Variants in CNGB3 observed in about 807,000 individuals in gnomAD.
The protein encoded by CNGB3 is cyclic nucleotide gated channel subunit beta 3.
A neutral mutation model predicts 92.8 loss-of-function variants in CNGB3; 86 were observed. The ratio of observed to expected loss-of-function variants is 0.93; its 90% confidence interval spans 0.78 to 1.11. The LOEUF (loss-of-function observed/expected upper bound fraction) is 1.11, where lower values mean the gene tolerates loss of function less well. Ranked by LOEUF, CNGB3 falls within the 50% of genes least tolerant of loss-of-function variation. The pLI is 0.00. For missense variants in CNGB3, 1,026 were observed against 956.8 expected (o/e 1.07, Z -0.95); for synonymous variants, 333 against 332.7 (o/e 1.00, Z -0.01).
intron 7 of CNGB3, among the ~76,000 whole-genome samples, chr8:86,648,231 C>T (rs545492724): frequency 6.0e-5 from 9 of 151,148 alleles, no homozygotes; most frequent in East Asian, 5.8e-4. Context: ...TGGGGCTCTT[C>T]GACTAAAAAT....
intron 2 of CNGB3, among the ~76,000 whole-genome samples, chr8:86,729,367 A>G (rs1418175149): frequency 4.6e-5 from 7 of 152,192 alleles, no homozygotes; most frequent in Non-Finnish European, 1.0e-4. Context: ...TCCTAATAAG[A>G]ATTTTTGTTT....
rs559116316 is a variant in CNGB3 at position 86,616,553 on chromosome 8, A to G, written c.1579-4882T>C. Reference sequence around the variant, plus strand: ...ACATCCTGGGGCTTTTTCTCTCGGCAACCCAGCTCCATTTTGTTTACAGTT... The same window carrying G: ...ACATCCTGGGGCTTTTTCTCTCGGCGACCCAGCTCCATTTTGTTTACAGTT... On this transcript the variant is annotated intron_variant, in intron 13 of 17. Coordinates refer to ENST00000320005, the MANE Select transcript of CNGB3 (RefSeq NM_019098.5). 1.1e-3 allele frequency among the ~76,000 whole-genome samples: 164 copies of G among 152,224 alleles called. 2 individuals carry two copies. Among genetic ancestry groups the G allele is most frequent in the African/African-American group, 3.4e-3 (142 of 41,532 alleles).
At chr8:86,590,822 A>T (rs577064429) in intron 15 of CNGB3, among the ~76,000 whole-genome samples, 2,455 of 149,698 alleles carry the variant, frequency 0.016, 83 homozygotes, top group African/African-American at 0.057. Context: ...TGTGTCTTGG[A>T]GTTGCTCTTC....
intron 2 of CNGB3, among the ~76,000 whole-genome samples, chr8:86,731,982 A>G (rs1825164369): frequency 6.6e-6 from 1 of 152,212 alleles, no homozygotes; most frequent in African/African-American, 2.4e-5. Context: ...TAAGTCAGCT[A>G]TATTCTTTGG....
At chr8:86,585,594 A>G (rs1369385061) in intron 15 of CNGB3, among the ~76,000 whole-genome samples, 3 of 152,240 alleles carry the variant, frequency 2.0e-5, no homozygotes, top group Non-Finnish European at 2.9e-5. Flanking sequence ...GAATGGGGAC[A>G]TAAAATGGAA....
intron 3 of CNGB3, among the ~76,000 whole-genome samples, chr8:86,714,185 C>A (rs893063051): frequency 2.6e-5 from 4 of 152,110 alleles, no homozygotes; most frequent in Admixed American, 6.6e-5. Context: ...GTCTTCCTAA[C>A]CCCCCAGCCC....
chr8:86,664,087 G>A (rs950648265), intron 6 of CNGB3, among the ~76,000 whole-genome samples: 1 of 152,176 alleles, frequency 6.6e-6, no homozygotes, highest in African/African-American at 2.4e-5. Flanking sequence ...TCATCAAGCT[G>A]CCAGGTTGCT....
At position 86,644,231 on chromosome 8, in the gene CNGB3, T is replaced by C. The variant is rs78309848; in HGVS notation, c.1056-358A>G. Among the ~76,000 whole-genome samples, 1,427 of 151,508 alleles carry C rather than the reference T, an allele frequency of 9.4e-3. 24 individuals carry two copies. Among genetic ancestry groups the C allele is most frequent in the African/African-American group, 0.033 (1,350 of 41,466 alleles). The stretch of plus-strand genomic sequence containing the variant: ...GATATCTCTGAAAAGCTCATGAGAC[T>C]TTATGCTACGATGAATGGCAACTAG... On this transcript the variant is annotated intron_variant, in intron 9 of 17. Transcript: ENST00000320005.
chr8:86,632,439 A>C (rs996181555), intron 11 of CNGB3, among the ~76,000 whole-genome samples: 2 of 152,118 alleles, frequency 1.3e-5, no homozygotes, highest in Admixed American at 6.5e-5. Context: ...CAATATTTGA[A>C]ATTTAAGTAA....
chr8:86,601,670 C>A (rs1008145978), intron 15 of CNGB3, among the ~76,000 whole-genome samples: 2 of 152,136 alleles, frequency 1.3e-5, no homozygotes, highest in Non-Finnish European at 2.9e-5. Flanking sequence ...GGCATACCTC[C>A]AGCTCTGGAA....
At chr8:86,594,582 T>G (rs978897884) in intron 15 of CNGB3, 11 of 285,356 alleles carry the variant, frequency 3.9e-5, no homozygotes, top group African/African-American at 2.3e-5. Flanking sequence ...ACTGTCACCT[T>G]CACCCTGAGA....
chr8:86,664,279 T>A (rs1823699656), intron 6 of CNGB3, among the ~76,000 whole-genome samples: 1 of 152,254 alleles, frequency 6.6e-6, no homozygotes, highest in Non-Finnish European at 1.5e-5. Flanking sequence ...TATTCAAAGC[T>A]ATTCCTTTCA....
At chr8:86,699,688 T>C (rs1266164053) in intron 3 of CNGB3, among the ~76,000 whole-genome samples, 2 of 152,188 alleles carry the variant, frequency 1.3e-5, no homozygotes, top group South Asian at 2.1e-4. Context: ...AAACTGCAGT[T>C]AGTTTGGATA....
chr8:86,619,096 C>T (rs1399095990), intron 13 of CNGB3, among the ~76,000 whole-genome samples: 2 of 152,208 alleles, frequency 1.3e-5, no homozygotes, highest in Non-Finnish European at 1.5e-5. Context: ...ACTGTAGTAC[C>T]TACATTTCAA....
chr8:86,725,356 T>C (rs1825042801), intron 3 of CNGB3, among the ~76,000 whole-genome samples: 1 of 152,126 alleles, frequency 6.6e-6, no homozygotes. Context: ...TGAGTGAAGA[T>C]AATGATGATC....
At chr8:86,614,200 T>C (rs1822572732) in intron 13 of CNGB3, among the ~76,000 whole-genome samples, 1 of 152,110 alleles carries the variant, frequency 6.6e-6, no homozygotes, top group Admixed American at 6.6e-5. Context: ...TTGATCCAGA[T>C]ACCTGCTTTA....
At chr8:86,618,159 G>A (rs551069439) in intron 13 of CNGB3, among the ~76,000 whole-genome samples, 4 of 152,290 alleles carry the variant, frequency 2.6e-5, no homozygotes, top group African/African-American at 4.8e-5. Flanking sequence ...GACAGGAGGC[G>A]GAGCTTGGGT....
chr8:86,708,191 A>G (rs13278423), intron 3 of CNGB3, among the ~76,000 whole-genome samples: 1 of 151,938 alleles, frequency 6.6e-6, no homozygotes, highest in Non-Finnish European at 1.5e-5. Flanking sequence ...CACTTGCTAA[A>G]AGAATCTAGG....
intron 4 of CNGB3, 47 bp downstream of exon 4, chr8:86,670,897 C>T (rs776589726): frequency 6.2e-7 from 1 of 1,602,040 alleles, no homozygotes; most frequent in Non-Finnish European, 8.5e-7. Context: ...AACACAGGTC[C>T]CCTCAGCACT....
Sources: gnomAD v4.1 joint callset for allele counts (sites outside exome capture counted in the v4.1 genomes callset) on GRCh38, gnomAD v4.1.1 for gene constraint, MANE v1.5 for transcripts, NCBI Gene and HGNC (gene_info 2026-07-23, HGNC 2026-07-21) for gene names.